GOLPH3L: variants seen among roughly 807,000 people sequenced by gnomAD.
The protein encoded by GOLPH3L is Golgi phosphoprotein 3-like.
In GOLPH3L, 22 loss-of-function variants were observed where a neutral mutation model predicts 30.3. That is an observed-to-expected ratio of 0.73 (90% CI 0.52 to 1.04). The LOEUF is 1.04. Ranked by LOEUF, GOLPH3L falls within the 50% of genes least tolerant of loss-of-function variation. GOLPH3L has a pLI of 0.00. For missense variants in GOLPH3L, 303 were observed against 345.8 expected, an observed-to-expected ratio of 0.88 and a Z score of 0.98; for synonymous variants, 120 against 128.2, an observed-to-expected ratio of 0.94 and a Z score of 0.43.
intron 2 of GOLPH3L, among the ~76,000 whole-genome samples, chr1:150,683,992 T>A (rs1457322646): frequency 2.0e-5 from 3 of 152,264 alleles, no homozygotes; most frequent in African/African-American, 7.2e-5. Flanking sequence ...AAGATAGGGC[T>A]TTTAGAAGAG....
At chr1:150,686,573 A>T (rs1430317380) in intron 2 of GOLPH3L, among the ~76,000 whole-genome samples, 1 of 152,198 alleles carries the variant, frequency 6.6e-6, no homozygotes, top group Non-Finnish European at 1.5e-5. Context: ...TGACTCCTAT[A>T]AAGAGAATGA....
At chr1:150,660,453 A>G (rs773562021) in intron 4 of GOLPH3L, among the ~76,000 whole-genome samples, 2 of 152,232 alleles carry the variant, frequency 1.3e-5, no homozygotes, top group Non-Finnish European at 2.9e-5. Flanking sequence ...AAGAATTAAA[A>G]ACAGGAACTT....
intron 4 of GOLPH3L, among the ~76,000 whole-genome samples, chr1:150,649,581 A>G (rs1650058271): frequency 6.6e-6 from 1 of 152,228 alleles, no homozygotes; most frequent in South Asian, 2.1e-4. Context: ...GAAAGCCAAG[A>G]AAAGTCCTTC....
chr1:150,671,745 G>T (rs1650649568), intron 2 of GOLPH3L, among the ~76,000 whole-genome samples: 2 of 142,024 alleles, frequency 1.4e-5, no homozygotes. Flanking sequence ...GGCGGAGGTT[G>T]CAGTGAGCCG....
At chr1:150,679,730 G>A (rs1473963582) in intron 2 of GOLPH3L, among the ~76,000 whole-genome samples, 1 of 152,168 alleles carries the variant, frequency 6.6e-6, no homozygotes, top group African/African-American at 2.4e-5. Flanking sequence ...AGCCCAAGAG[G>A]TGGAGCCTGC....
At chr1:150,668,282 G>T (rs1650555308) in intron 2 of GOLPH3L, among the ~76,000 whole-genome samples, 1 of 152,138 alleles carries the variant, frequency 6.6e-6, no homozygotes, top group African/African-American at 2.4e-5. Flanking sequence ...ATATTCCTTA[G>T]ACATCTCCAA....
chr1:150,690,298 TA>T (rs1374471057), intron 2 of GOLPH3L, among the ~76,000 whole-genome samples: 1 of 151,964 alleles, frequency 6.6e-6, no homozygotes, highest in Non-Finnish European at 1.5e-5. Context: ...ACATAGTTTC[TA>T]AAAAAATGAT....
intron 4 of GOLPH3L, among the ~76,000 whole-genome samples, chr1:150,652,940 T>C (rs1251513106): frequency 6.6e-6 from 1 of 151,988 alleles, no homozygotes; most frequent in Non-Finnish European, 1.5e-5. Flanking sequence ...TCTTCTCTTC[T>C]TTAATAATTA....
intron 4 of GOLPH3L, among the ~76,000 whole-genome samples, chr1:150,656,166 A>G (rs587741467): frequency 1.3e-5 from 2 of 152,272 alleles, no homozygotes; most frequent in East Asian, 3.9e-4. Flanking sequence ...TATTACTCCA[A>G]TGTTATGATC....
chr1:150,681,673 G>A (rs933600276), intron 2 of GOLPH3L, among the ~76,000 whole-genome samples: 1 of 152,048 alleles, frequency 6.6e-6, no homozygotes, highest in African/African-American at 2.4e-5. Flanking sequence ...AAATAATGGG[G>A]TATGTTTATA....
At chr1:150,678,819 T>C (rs1239052163) in intron 2 of GOLPH3L, among the ~76,000 whole-genome samples, 2 of 152,072 alleles carry the variant, frequency 1.3e-5, no homozygotes, top group Non-Finnish European at 2.9e-5. Flanking sequence ...GCTGGTGTGG[T>C]GGCACACGCC....
At chr1:150,684,991 T>C (rs981884784) in intron 2 of GOLPH3L, among the ~76,000 whole-genome samples, 1 of 152,194 alleles carries the variant, frequency 6.6e-6, no homozygotes, top group Admixed American at 6.5e-5. Context: ...TATAATTAAA[T>C]ATTATTTACT....
chr1:150,693,117 C>T (rs746090243), intron 2 of GOLPH3L, among the ~76,000 whole-genome samples: 1 of 152,122 alleles, frequency 6.6e-6, no homozygotes, highest in African/African-American at 2.4e-5. Context: ...GCAAGAATTT[C>T]TGATATACCT....
rs1651365547 is a variant in GOLPH3L at position 150,696,743 on chromosome 1, A to G, written c.-13+249T>C. Among the ~76,000 whole-genome samples the G allele has an allele frequency of 2.3e-5, 3 of 132,962 alleles. No individual in the cohort carries two copies. The South Asian group carries it at 7.1e-4, about 31-fold the overall frequency. 87.2% of individuals were successfully genotyped at this position (132,962 alleles called of 152,430 possible). ...AGCCTATCTGGCACTGTGAATAGGG[A>G]CTATTTCCTAAACCAATCCAAGAAA... On this transcript the variant is annotated intron_variant, in intron 1 of 4. Transcript: ENST00000271732.
chr1:150,682,517 T>C (rs1650978284), intron 2 of GOLPH3L, among the ~76,000 whole-genome samples: 1 of 149,170 alleles, frequency 6.7e-6, no homozygotes, highest in Non-Finnish European at 1.5e-5. Context: ...TAGTTCCAGC[T>C]ACTTGGGAAG....
At chr1:150,659,487 G>T (rs759446039) in intron 4 of GOLPH3L, among the ~76,000 whole-genome samples, 1 of 152,154 alleles carries the variant, frequency 6.6e-6, no homozygotes, top group Non-Finnish European at 1.5e-5. Flanking sequence ...GCCAGAGCCC[G>T]TCCCTTTATT....
chr1:150,695,902 T>C lies in GOLPH3L; in HGVS notation c.-12-1052A>G, dbSNP rs147274969. Among the ~76,000 whole-genome samples, 1,219 of 152,016 alleles carry C rather than the reference T, an allele frequency of 8.0e-3. 9 individuals are homozygous for C. Among genetic ancestry groups the C allele is most frequent in the Non-Finnish European group, 0.011 (730 of 67,946 alleles). ...TGAAAGATTAACAAATTTTCTCAAT[T>C]TAAAAAAAAAAGTCAAAGAACATGT... On this transcript the variant is annotated intron_variant, in intron 1 of 4. Coordinates refer to ENST00000271732, the MANE Select transcript of GOLPH3L (RefSeq NM_018178.6).
intron 2 of GOLPH3L, among the ~76,000 whole-genome samples, chr1:150,693,487 G>A (rs587593650): frequency 4.6e-5 from 7 of 151,916 alleles, no homozygotes; most frequent in African/African-American, 1.4e-4. Flanking sequence ...CGGTGGGCGA[G>A]GGGGGGCGGT....
intron 1 of GOLPH3L, among the ~76,000 whole-genome samples, chr1:150,695,153 T>C (rs1399115809): frequency 6.6e-6 from 1 of 152,176 alleles, no homozygotes; most frequent in African/African-American, 2.4e-5. Flanking sequence ...CTTCTTTTCT[T>C]GAGAGGGAGT....
Sources: gnomAD v4.1 joint callset for allele counts (sites outside exome capture counted in the v4.1 genomes callset) on GRCh38, gnomAD v4.1.1 for gene constraint, MANE v1.5 for transcripts, NCBI Gene and HGNC (gene_info 2026-07-23, HGNC 2026-07-21) for gene names.